Variants in DRC7 observed in about 807,000 individuals in gnomAD.
The protein encoded by DRC7 is dynein regulatory complex subunit 7.
In DRC7, 80 loss-of-function variants were observed where a neutral mutation model predicts 104.4. The observed-to-expected ratio is 0.77, with a 90% CI of 0.64 to 0.92. The LOEUF is 0.92. Among genes scored for constraint, DRC7 ranks in the 40% least tolerant of loss-of-function variants. The pLI is 0.00. For synonymous variants in DRC7, 405 were observed against 447.3 expected, an observed-to-expected ratio of 0.91 and a Z score of 1.19; for missense variants, 1,034 against 1,141.1, an observed-to-expected ratio of 0.91 and a Z score of 1.35.
intron 2 of DRC7, among the ~76,000 whole-genome samples, chr16:57,697,628 A>G (rs911287417): frequency 7.2e-5 from 11 of 152,194 alleles, no homozygotes; most frequent in Non-Finnish European, 1.6e-4. Context: ...GCAAATCGAC[A>G]CGTGCCTTTC....
chr16:57,698,042 G>A lies in DRC7; in HGVS notation c.93G>A (p.Met31Ile). Reference protein sequence around the residue: ...EWAEWARMEKMMRPVEVRKEE... With the variant: ...EWAEWARMEKIMRPVEVRKEE... ...CTGAATGGGCGAGGATGGAGAAAAT[G>A]ATGAGGCCAGTTGAGGTGCGGAAGG... Residue 31 changes from methionine to isoleucine, a missense_variant, in exon 3 of 19, where the codon ATG (methionine) becomes ATA (isoleucine). Met to Ile is a conservative substitution (Grantham distance 10, BLOSUM62 1). Coordinates refer to ENST00000360716, the MANE Select transcript of DRC7 (RefSeq NM_001289162.2). The A allele has an allele frequency of 2.5e-6, 4 of 1,614,148 alleles. No individual in the cohort carries two copies. Among genetic ancestry groups the A allele is most frequent in the Non-Finnish European group, 3.4e-6 (4 of 1,180,038 alleles).
In DRC7 at chr16:57,707,492, C is replaced by T. The variant is rs114955852; in HGVS notation, c.891C>T (p.His297=). The change falls in exon 8 of 19, where the codon CAC becomes CAT. Residue 297 remains histidine, a synonymous_variant. Transcript: ENST00000360716. ...EAEKAKPDAL[H]GLRVHSWVLV... ...AGAAGGCAAAGCCGGATGCCCTGCA[C>T]GGCCTGCGGGTGCACTCCTGGGTCC... The T allele has an allele frequency of 5.5e-3, 8,808 of 1,613,256 alleles. 36 individuals are homozygous for T. The highest frequency in any genetic ancestry group is 0.019 in the East Asian group (853 of 44,888).
Position 57,722,932 on chromosome 16 carries a change from G to C in DRC7, c.1409-70G>C. The C allele has an allele frequency of 5.0e-6, 8 of 1,612,672 alleles. No homozygotes were observed. The South Asian group carries it at 8.8e-5, about 18-fold the overall frequency. On this transcript the variant is annotated intron_variant, in intron 11 of 18. Coordinates refer to ENST00000360716, the MANE Select transcript of DRC7 (RefSeq NM_001289162.2). ...CTGGGGTCATTGCTGGCCTCTGTGTGCCTGGAATAAGGGGGGTTGAAGGCT... is the reference window on the plus strand; with the variant it reads ...CTGGGGTCATTGCTGGCCTCTGTGTCCCTGGAATAAGGGGGGTTGAAGGCT...
At chr16:57,702,247 C>T in intron 6 of DRC7, 117 bp downstream of exon 6, 1 of 996,550 alleles carries the variant, frequency 1.0e-6, no homozygotes, top group South Asian at 1.6e-5. Context: ...GCCACGCGGA[C>T]ACAGATCCCT....
Position 57,723,082 on chromosome 16 carries a change from G to A in DRC7, c.1489G>A (p.Asp497Asn), listed in dbSNP as rs1159652227. The change falls in exon 12 of 19, where the codon GAC (aspartate) becomes AAC (asparagine). Residue 497 changes from aspartate to asparagine, a missense_variant. By Grantham distance (23) the Asp-to-Asn change is conservative. Coordinates refer to ENST00000360716, the MANE Select transcript of DRC7 (RefSeq NM_001289162.2). ...GCTGAAACACATAAACAAGACCACA[G>A]ACCTGAAGACAGACTACTTCAAGCC... is the stretch of plus-strand genomic sequence containing the variant. Reference protein sequence around the residue: ...LELKHINKTTDLKTDYFKPGH... With the variant: ...LELKHINKTTNLKTDYFKPGH... The A allele has an allele frequency of 2.2e-5, 35 of 1,613,726 alleles. No individual in the cohort carries two copies. Among genetic ancestry groups the A allele is most frequent in the African/African-American group, 5.3e-5 (4 of 74,912 alleles).
intron 8 of DRC7, among the ~76,000 whole-genome samples, chr16:57,709,583 A>G (rs559069406): frequency 6.6e-6 from 1 of 152,112 alleles, no homozygotes; most frequent in East Asian, 1.9e-4. Flanking sequence ...TCATCTATTA[A>G]ATGATCATAA....
intron 7 of DRC7, among the ~76,000 whole-genome samples, chr16:57,705,858 C>T (rs2048715763): frequency 6.8e-6 from 1 of 146,534 alleles, no homozygotes; most frequent in Non-Finnish European, 1.5e-5. Flanking sequence ...ATCCACCCTC[C>T]TACCCACTTA....
At position 57,718,413 on chromosome 16, in the gene DRC7, C is replaced by T. The variant is rs773693584; in HGVS notation, c.1144C>T (p.Gln382Ter). 6.2e-7 allele frequency: 1 copy of T among 1,614,114 alleles called. No individual in the cohort carries two copies. The highest frequency in any genetic ancestry group is 8.5e-7 in the Non-Finnish European group (1 of 1,179,998). The change falls in exon 9 of 19, where the codon CAG becomes TAG. Residue 382 changes from glutamine (Q) to a stop codon, truncating the protein, a stop_gained. Transcript: ENST00000360716. LOFTEE classifies it high-confidence loss of function. ...CATGCTCCTGGGGACTGATAAGTCT[C>T]AGCTGTCCTTGACTGAAGAAGACGA... ...EYMLLGTDKS[Q>*]LSLTEEDDSG...
At chr16:57,721,577 G>A in intron 9 of DRC7, 90 bp from the exon 10 acceptor site, 1 of 993,372 alleles carries the variant, frequency 1.0e-6, no homozygotes, top group African/African-American at 1.6e-5. Flanking sequence ...CCTTGGCTTG[G>A]CTCTGCAGGC....
At chr16:57,715,630 T>C (rs776651549) in intron 8 of DRC7, among the ~76,000 whole-genome samples, 6 of 152,230 alleles carry the variant, frequency 3.9e-5, no homozygotes, top group Non-Finnish European at 7.3e-5. Context: ...AGCTGTTCAA[T>C]AAATGTTAAC....
At chr16:57,725,783 A>C in intron 13 of DRC7, 1 of 432,356 alleles carries the variant, frequency 2.3e-6, no homozygotes, top group Non-Finnish European at 4.2e-6. Context: ...CTAGCAATGG[A>C]GTAGGCTGCC....
At chr16:57,709,351 G>A (rs2048768428) in intron 8 of DRC7, among the ~76,000 whole-genome samples, 1 of 152,012 alleles carries the variant, frequency 6.6e-6, no homozygotes, top group Non-Finnish European at 1.5e-5. Context: ...AGTACATCCA[G>A]TATAATGTCA....
chr16:57,728,057 C>T (rs546105362), intron 16 of DRC7, among the ~76,000 whole-genome samples: 3 of 152,226 alleles, frequency 2.0e-5, no homozygotes, highest in Non-Finnish European at 4.4e-5. Context: ...TAACCACTAC[C>T]GTTGACTGAA....
chr16:57,719,600 C>T (rs1165197171), intron 9 of DRC7, among the ~76,000 whole-genome samples: 1 of 152,146 alleles, frequency 6.6e-6, no homozygotes, highest in East Asian at 1.9e-4. Flanking sequence ...GCCTCGAACT[C>T]CTGGGCTCAA....
At chr16:57,709,561 C>G (rs2048770830) in intron 8 of DRC7, among the ~76,000 whole-genome samples, 2 of 151,924 alleles carry the variant, frequency 1.3e-5, no homozygotes, top group African/African-American at 2.4e-5. Context: ...TTGTTTATAT[C>G]AAATGTTTTT....
chr16:57,699,098 G>C, intron 4 of DRC7, 74 bp downstream of exon 4: 2 of 1,525,540 alleles, frequency 1.3e-6, no homozygotes, highest in South Asian at 2.4e-5. Flanking sequence ...AAGTGGGGCA[G>C]GTTCTCCAAG....
Position 57,705,140 on chromosome 16 carries a change from A to C in DRC7, c.858+106A>C, listed in dbSNP as rs1597796637. On this transcript the variant is annotated intron_variant, in intron 7 of 18. Transcript: ENST00000360716. Reference sequence around the variant, plus strand: ...GAGGGGATGTGTGTATGGACCCCCCAACTAGGTCCACCTCACAATCACCCC... The same window carrying C: ...GAGGGGATGTGTGTATGGACCCCCCCACTAGGTCCACCTCACAATCACCCC... 17 of 1,252,406 alleles carry C rather than the reference A, an allele frequency of 1.4e-5. No homozygotes were observed. In the East Asian group the frequency reaches 4.1e-4, roughly 30 times the overall value. 77.6% of individuals were successfully genotyped at this position (1,252,406 alleles called of 1,614,324 possible).
chr16:57,701,705 A>G, intron 5 of DRC7: 1 of 525,840 alleles, frequency 1.9e-6, no homozygotes, highest in Non-Finnish European at 3.4e-6. Context: ...TCCCCCTATC[A>G]GGAAGTCCAT....
In DRC7 at chr16:57,702,098, G is replaced by T; in HGVS notation, c.667G>T (p.Glu223Ter). Residue 223 changes from glutamate to a stop codon, truncating the protein, a stop_gained, in exon 6 of 19, where the codon GAG becomes TAG. Transcript: ENST00000360716. LOFTEE classifies it high-confidence loss of function. Reference sequence around the variant, plus strand: ...CCTGTGCCACATGGACCTGACGCGGGAGGTGTGCCCACTCACTGTGAAGCC... The same window carrying T: ...CCTGTGCCACATGGACCTGACGCGGTAGGTGTGCCCACTCACTGTGAAGCC... The part of the protein sequence containing the change: ...LDLCHMDLTR[E>*]VCPLTVKPKE... The T allele has an allele frequency of 6.2e-7, 1 of 1,614,186 alleles. No individual in the cohort carries two copies. Among genetic ancestry groups the T allele is most frequent in the Non-Finnish European group, 8.5e-7 (1 of 1,180,028 alleles).
Sources: allele counts gnomAD v4.1 joint callset (sites outside exome capture counted in the v4.1 genomes callset), GRCh38; gene constraint gnomAD v4.1.1; transcripts MANE v1.5; gene names NCBI Gene and HGNC (gene_info 2026-07-23, HGNC 2026-07-21).